Variants in BRD10 observed in about 807,000 individuals in gnomAD.
The protein encoded by BRD10 is bromodomain containing 10, also known as uncharacterized bromodomain-containing protein 10.
chr9:5,996,259 G>A, the BRD10 span, among the ~76,000 whole-genome samples: 1 of 151,884 alleles, frequency 6.6e-6, no homozygotes, highest in African/African-American at 2.4e-5. Context: ...AACAGCAACA[G>A]GTAAATGACA....
the BRD10 span, among the ~76,000 whole-genome samples, chr9:5,925,759 CATAATA>C: frequency 2.0e-5 from 3 of 152,090 alleles, no homozygotes; most frequent in Non-Finnish European, 4.4e-5. Flanking sequence ...CATATAAAAA[CATAATA>C]GCTTTATTTC....
At chr9:6,007,469 C>T in the BRD10 span, 1 of 1,610,190 alleles carries the variant, frequency 6.2e-7, no homozygotes. Flanking sequence ...GTGGCAACGC[C>T]CCCCAAGGGC....
chr9:5,925,738 G>C, the BRD10 span, among the ~76,000 whole-genome samples: 1 of 152,130 alleles, frequency 6.6e-6, no homozygotes, highest in Non-Finnish European at 1.5e-5. Flanking sequence ...ATCTTTCACA[G>C]AGATCTTTTT....
the BRD10 span, chr9:5,891,022 C>T: frequency 2.0e-5 from 3 of 152,140 alleles, no homozygotes; most frequent in South Asian, 2.1e-4. Context: ...CTCTGCCTAC[C>T]CTCATTGCCC....
chr9:5,897,233 T>C, the BRD10 span, among the ~76,000 whole-genome samples: 1 of 152,198 alleles, frequency 6.6e-6, no homozygotes, highest in African/African-American at 2.4e-5. Context: ...GAAGAAAAGA[T>C]AATTTAGCCC....
At chr9:5,923,183 T>C in the BRD10 span, 9 of 1,614,046 alleles carry the variant, frequency 5.6e-6, no homozygotes, top group Non-Finnish European at 7.6e-6. Context: ...ATCCACATAA[T>C]CAGTTTGTTT....
At chr9:5,917,272 TTA>T in the BRD10 span, among the ~76,000 whole-genome samples, 1 of 151,844 alleles carries the variant, frequency 6.6e-6, no homozygotes, top group African/African-American at 2.4e-5. Context: ...GGACAGGGAG[TTA>T]CATAACACGT....
the BRD10 span, chr9:5,908,723 C>G: frequency 6.2e-7 from 1 of 1,606,716 alleles, no homozygotes; most frequent in Non-Finnish European, 8.5e-7. Context: ...CAGCGAGACA[C>G]CTGAGACATG....
the BRD10 span, among the ~76,000 whole-genome samples, chr9:5,923,621 C>T: frequency 6.6e-6 from 1 of 152,098 alleles, no homozygotes; most frequent in South Asian, 2.1e-4. Flanking sequence ...ATTAGAAATA[C>T]CCAAATAAAC....
the BRD10 span, among the ~76,000 whole-genome samples, chr9:5,936,328 C>T: frequency 6.6e-6 from 1 of 152,176 alleles, no homozygotes; most frequent in African/African-American, 2.4e-5. Context: ...GCACTCTTGC[C>T]TGGGTGACAG....
chr9:5,951,889 G>A, the BRD10 span, among the ~76,000 whole-genome samples: 6 of 152,138 alleles, frequency 3.9e-5, no homozygotes, highest in African/African-American at 1.2e-4. Flanking sequence ...TGTAAACTAG[G>A]CATAAGAACC....
the BRD10 span, chr9:5,919,697 C>T: frequency 1.2e-6 from 2 of 1,609,154 alleles, no homozygotes; most frequent in Non-Finnish European, 8.5e-7. Context: ...AGATGCAGCT[C>T]TGTCAGGCTT....
At chr9:5,892,450 G>C in the BRD10 span, 2 of 1,602,500 alleles carry the variant, frequency 1.2e-6, no homozygotes, top group South Asian at 1.1e-5. Flanking sequence ...CTTCTGTTAG[G>C]TGTCCTGTGC....
the BRD10 span, among the ~76,000 whole-genome samples, chr9:5,985,111 G>A: frequency 7.9e-5 from 12 of 152,178 alleles, no homozygotes; most frequent in African/African-American, 2.4e-4. Context: ...CAAATAATAC[G>A]TTCAATTGCT....
At chr9:5,888,299 A>T in the BRD10 span, among the ~76,000 whole-genome samples, 1 of 152,222 alleles carries the variant, frequency 6.6e-6, no homozygotes, top group African/African-American at 2.4e-5. Flanking sequence ...GTCAATTATT[A>T]GGTGAGTGCA....
At chr9:5,896,712 A>T in the BRD10 span, among the ~76,000 whole-genome samples, 2 of 152,218 alleles carry the variant, frequency 1.3e-5, no homozygotes, top group African/African-American at 4.8e-5. Flanking sequence ...CGGAGTGAAC[A>T]GCTCCAGGCC....
At chr9:5,957,466 C>T in the BRD10 span, among the ~76,000 whole-genome samples, 1 of 152,078 alleles carries the variant, frequency 6.6e-6, no homozygotes, top group Non-Finnish European at 1.5e-5. Context: ...TAGGTATTAC[C>T]TCACTTATCA....
the BRD10 span, among the ~76,000 whole-genome samples, chr9:5,934,608 C>T: frequency 6.6e-6 from 1 of 152,032 alleles, no homozygotes; most frequent in Admixed American, 6.6e-5. Flanking sequence ...TCAAGTGATC[C>T]ACCTGCCTTG....
At chr9:5,951,035 T>TACACACAC in the BRD10 span, among the ~76,000 whole-genome samples, 79 of 141,760 alleles carry the variant, frequency 5.6e-4, no homozygotes, top group East Asian at 1.3e-3. Context: ...GGGCTGACTG[T>TACACACAC]ACACACACAC....
Sources: gnomAD v4.1 joint callset for allele counts (sites outside exome capture counted in the v4.1 genomes callset) on GRCh38, gnomAD v4.1.1 for gene constraint, MANE v1.5 for transcripts, NCBI Gene and HGNC (gene_info 2026-07-23, HGNC 2026-07-21) for gene names.